Variants in GPM6A observed in about 807,000 individuals in gnomAD.
GPM6A encodes neuronal membrane glycoprotein M6-a.
In GPM6A, 7 loss-of-function variants were observed where a neutral mutation model predicts 32.1. The ratio of observed to expected loss-of-function variants is 0.22; its 90% CI spans 0.12 to 0.41. The LOEUF is 0.41. GPM6A is among the 10% of genes least tolerant of loss of function. The pLI is 1.00. For synonymous variants in GPM6A, 130 were observed against 123.4 expected, an observed-to-expected ratio of 1.05 and a Z score of -0.35; for missense variants, 235 against 347.2, an observed-to-expected ratio of 0.68 and a Z score of 2.57.
intron 3 of GPM6A, among the ~76,000 whole-genome samples, chr4:175,653,225 T>A (rs1419742186): frequency 2.0e-5 from 3 of 152,132 alleles, no homozygotes; most frequent in Admixed American, 6.6e-5. Context: ...GCGATTAACA[T>A]AGAGTTTATT....
chr4:175,746,967 T>A (rs752833446), intron 1 of GPM6A, among the ~76,000 whole-genome samples: 22 of 152,110 alleles, frequency 1.4e-4, no homozygotes, highest in Admixed American at 5.2e-4. Flanking sequence ...AATACTCAAA[T>A]ACATTTTTAA....
chr4:175,964,986 G>C lies in GPM6A; in HGVS notation c.-23+37323C>G, dbSNP rs79374874. On this transcript the variant is annotated intron_variant, in intron 1 of 7. Transcript: ENST00000280187. ...AGATGAATCCACTATTACAGTTGCAGACTTAAACACTGCTCAATCTGCAAT... is the reference window on the plus strand; with the variant it reads ...AGATGAATCCACTATTACAGTTGCACACTTAAACACTGCTCAATCTGCAAT... Among the ~76,000 whole-genome samples the C allele has an allele frequency of 7.8e-3, 1,188 of 152,334 alleles. 7 individuals are homozygous for C. Among genetic ancestry groups the C allele is most frequent in the Non-Finnish European group, 0.011 (751 of 68,034 alleles).
intron 1 of GPM6A, among the ~76,000 whole-genome samples, chr4:175,934,539 T>C (rs1435705843): frequency 6.6e-6 from 1 of 152,236 alleles, no homozygotes; most frequent in African/African-American, 2.4e-5. Context: ...GTTGGCACTA[T>C]AATTTTCGAG....
At position 175,637,266 on chromosome 4, in the gene GPM6A, A is replaced by C. The variant is rs28766927; in HGVS notation, c.685-2209T>G. Among the ~76,000 whole-genome samples the C allele has an allele frequency of 1.2e-3, 43 of 37,306 alleles. No individual in the cohort carries two copies. The South Asian group carries it at 0.015, about 13-fold the overall frequency. 24.5% of individuals were successfully genotyped at this position (37,306 alleles called of 152,430 possible). On this transcript the variant is annotated intron_variant, in intron 6 of 6. Coordinates refer to ENST00000393658, the MANE Select transcript of GPM6A (RefSeq NM_201591.3). Reference sequence around the variant, plus strand: ...ATATTATATATAATATAAAATATATATTATATATTATATATTATATAAAAT... The same window carrying C: ...ATATTATATATAATATAAAATATATCTTATATATTATATATTATATAAAAT...
At chr4:175,838,917 G>T (rs1381074678) in intron 1 of GPM6A, among the ~76,000 whole-genome samples, 1 of 151,958 alleles carries the variant, frequency 6.6e-6, no homozygotes, top group African/African-American at 2.4e-5. Flanking sequence ...GCCCACCTCA[G>T]CCTCCCAAAG....
intron 1 of GPM6A, among the ~76,000 whole-genome samples, chr4:175,940,291 C>A: frequency 1.4e-5 from 1 of 70,246 alleles, no homozygotes; most frequent in East Asian, 4.6e-4. Flanking sequence ...TTTTAACAGT[C>A]TCACAGAAAA....
In GPM6A at chr4:175,958,018, G is replaced by C. The variant is rs576914260; in HGVS notation, c.-23+44291C>G. ...AACAATTCTCCTGCCTCAGCCTCCC[G>C]AGTAGCTGGGATTCCAGGCACCCAC... is the stretch of plus-strand genomic sequence containing the variant. On this transcript the variant is annotated intron_variant, in intron 1 of 7. Transcript: ENST00000280187. Among the ~76,000 whole-genome samples the C allele has an allele frequency of 2.0e-5, 3 of 152,156 alleles. No homozygotes were observed. The East Asian group carries it at 5.8e-4, about 29-fold the overall frequency.
chr4:175,801,998 A>G (rs930254761), intron 1 of GPM6A, among the ~76,000 whole-genome samples: 3 of 152,096 alleles, frequency 2.0e-5, no homozygotes, highest in South Asian at 2.1e-4. Flanking sequence ...TACACTCCGT[A>G]TAAGTATAAT....
chr4:175,750,123 A>T (rs1732266305), intron 1 of GPM6A, among the ~76,000 whole-genome samples: 1 of 151,962 alleles, frequency 6.6e-6, no homozygotes, highest in Non-Finnish European at 1.5e-5. Context: ...CAGTGTAGCA[A>T]TCTCGGCTCA....
intron 1 of GPM6A, among the ~76,000 whole-genome samples, chr4:175,991,342 C>T (rs1313490975): frequency 5.3e-5 from 8 of 151,404 alleles, no homozygotes; most frequent in Admixed American, 4.6e-4. Context: ...TCCCAAAGTA[C>T]TTGGATTACA....
intron 1 of GPM6A, among the ~76,000 whole-genome samples, chr4:175,736,136 C>T (rs142242771): frequency 3.3e-5 from 5 of 152,238 alleles, no homozygotes; most frequent in Non-Finnish European, 7.4e-5. Context: ...AGGGATCCTC[C>T]AACCTCAGCC....
rs10541049 is a variant in GPM6A at position 175,995,376 on chromosome 4, T to TAA, written c.-23+6931_-23+6932dup. ...ATTGCTGCTTGATCCTTTCAATTTG[T>TAA]AAAAAAAAAAAAAAAAAAAAAAAGC... is the stretch of plus-strand genomic sequence containing the variant. On this transcript the variant is annotated intron_variant, in intron 1 of 7. Coordinates refer to the GPM6A transcript ENST00000280187. Among the ~76,000 whole-genome samples the TAA allele has an allele frequency of 9.5e-4, 91 of 96,226 alleles. 1 individual carries two copies. The highest frequency in any genetic ancestry group is 1.5e-3 in the African/African-American group (39 of 26,460). 63.1% of individuals were successfully genotyped at this position (96,226 alleles called of 152,430 possible).
At chr4:175,882,374 C>T (rs1021584519) in intron 1 of GPM6A, among the ~76,000 whole-genome samples, 1 of 151,868 alleles carries the variant, frequency 6.6e-6, no homozygotes, top group Admixed American at 6.6e-5. Flanking sequence ...ATTAAGAAAA[C>T]TGTCAGTAAG....
At chr4:175,900,168 G>A (rs1020571385) in intron 1 of GPM6A, among the ~76,000 whole-genome samples, 2 of 151,786 alleles carry the variant, frequency 1.3e-5, no homozygotes, top group African/African-American at 4.8e-5. Context: ...AGCTACTTGG[G>A]AAGCTGAGGC....
rs1030019248 is a variant in GPM6A, at chr4:175,677,010, T to G, written c.231-3174A>C. Among the ~76,000 whole-genome samples the G allele has an allele frequency of 2.0e-5, 3 of 152,322 alleles. No individual in the cohort carries two copies. The East Asian group carries it at 5.8e-4, about 29-fold the overall frequency. Reference sequence around the variant, plus strand: ...AACTTAACTTGTCAAATTATTTAAGTAAATTTCAGCATACCAGTACCCTAT... The same window carrying G: ...AACTTAACTTGTCAAATTATTTAAGGAAATTTCAGCATACCAGTACCCTAT... On this transcript the variant is annotated intron_variant, in intron 2 of 6. Transcript: ENST00000393658.
chr4:175,929,242 A>C (rs1276139794), intron 1 of GPM6A, among the ~76,000 whole-genome samples: 1 of 152,240 alleles, frequency 6.6e-6, no homozygotes, highest in Admixed American at 6.5e-5. Flanking sequence ...GTATTTAAAC[A>C]CTTTCATAAG....
At chr4:175,717,603 T>G (rs1745905465) in intron 1 of GPM6A, among the ~76,000 whole-genome samples, 1 of 152,132 alleles carries the variant, frequency 6.6e-6, no homozygotes, top group Non-Finnish European at 1.5e-5. Flanking sequence ...AGATAAACAG[T>G]CATTACTTAA....
At chr4:175,983,577 T>C (rs986620930) in intron 1 of GPM6A, among the ~76,000 whole-genome samples, 13 of 152,214 alleles carry the variant, frequency 8.5e-5, no homozygotes, top group African/African-American at 2.9e-4. Flanking sequence ...TTATGGTGAA[T>C]TACACTAATT....
At chr4:175,913,415 C>T (rs1370818440) in intron 1 of GPM6A, among the ~76,000 whole-genome samples, 1 of 152,184 alleles carries the variant, frequency 6.6e-6, no homozygotes, top group African/African-American at 2.4e-5. Flanking sequence ...TGCTCCCTTT[C>T]CCAAAGTAGT....
Sources: gnomAD v4.1 joint callset for allele counts (sites outside exome capture counted in the v4.1 genomes callset) on GRCh38, gnomAD v4.1.1 for gene constraint, MANE v1.5 for transcripts, NCBI Gene and HGNC (gene_info 2026-07-23, HGNC 2026-07-21) for gene names.